CD6: variants seen among roughly 807,000 people sequenced by gnomAD.
CD6 encodes CD6 molecule, also known as T-cell differentiation antigen CD6.
Under a neutral mutation model 75.3 loss-of-function variants are expected in CD6, and 53 were observed. The observed-to-expected ratio is 0.70, with a 90% CI of 0.56 to 0.88. CD6 has a LOEUF of 0.88. CD6 is among the 40% of genes least tolerant of loss of function. The pLI is 0.00. For missense variants in CD6, 770 were observed against 897.1 expected, an observed-to-expected ratio of 0.86 and a Z score of 1.81; for synonymous variants, 359 against 381.5, an observed-to-expected ratio of 0.94 and a Z score of 0.69.
chr11:61,008,262 C>A (rs1229554609), intron 3 of CD6: 2 of 496,746 alleles, frequency 4.0e-6, no homozygotes, highest in Non-Finnish European at 7.1e-6. Context: ...CATAAACATG[C>A]CAGGTTCACA....
chr11:61,014,734 C>CAA (rs553540779), intron 8 of CD6, among the ~76,000 whole-genome samples: 12 of 104,682 alleles, frequency 1.1e-4, no homozygotes, highest in African/African-American at 2.1e-4. Context: ...GACTCTGTCT[C>CAA]AAAAAAAAAA....
intron 6 of CD6, 109 bp downstream of exon 6, chr11:61,011,244 C>T: frequency 2.3e-6 from 2 of 883,992 alleles, no homozygotes; most frequent in East Asian, 5.4e-5. Flanking sequence ...ATGGTTTGGT[C>T]CTCATCCTCC....
At chr11:60,987,091 G>A (rs1156596910) in intron 1 of CD6, among the ~76,000 whole-genome samples, 4 of 152,188 alleles carry the variant, frequency 2.6e-5, no homozygotes, top group Non-Finnish European at 5.9e-5. Flanking sequence ...TGGCACCACA[G>A]TGCGAGACTC....
intron 1 of CD6, among the ~76,000 whole-genome samples, chr11:60,975,333 G>T (rs1857325175): frequency 1.3e-5 from 2 of 152,210 alleles, no homozygotes. Context: ...AAATTGAGAT[G>T]TGTAAAGTGT....
intron 1 of CD6, among the ~76,000 whole-genome samples, chr11:60,982,417 G>A (rs1465362205): frequency 1.3e-5 from 2 of 152,150 alleles, no homozygotes; most frequent in Admixed American, 6.5e-5. Flanking sequence ...AGTCACTTCT[G>A]GTCACTGGGG....
Position 60,974,536 on chromosome 11 carries a change from C to T in CD6, c.49+2622C>T, listed in dbSNP as rs975915908. 4.6e-5 allele frequency among the ~76,000 whole-genome samples: 7 copies of T among 152,330 alleles called. No individual in the cohort carries two copies. In the East Asian group the frequency reaches 7.7e-4, roughly 17 times the overall value. ...CTGGGATTACAGGAGTGAGCCACCG[C>T]GCCCAGCCTCCTTCTTCCCTTTCTA... On this transcript the variant is annotated intron_variant, in intron 1 of 12. Coordinates refer to ENST00000313421, the MANE Select transcript of CD6 (RefSeq NM_006725.5).
chr11:60,983,330 G>C (rs967244649), intron 1 of CD6, among the ~76,000 whole-genome samples: 1 of 151,944 alleles, frequency 6.6e-6, no homozygotes, highest in East Asian at 1.9e-4. Flanking sequence ...GACCTCAAGC[G>C]ATCCTCCTGC....
chr11:60,991,149 C>CTTTTTTTTTTTTTTTT (rs58123378), intron 1 of CD6, among the ~76,000 whole-genome samples: 41 of 114,692 alleles, frequency 3.6e-4, no homozygotes, highest in Non-Finnish European at 4.4e-4. Flanking sequence ...CTTTTTCTTT[C>CTTTTTTTTTTTTTTTT]TTTTTTTTTT....
chr11:61,018,045 A>G, intron 11 of CD6, 32 bp downstream of exon 11: 2 of 1,603,048 alleles, frequency 1.2e-6, no homozygotes, highest in South Asian at 1.1e-5. Flanking sequence ...CCCCCATCCC[A>G]TAGCCAGCCT....
intron 1 of CD6, among the ~76,000 whole-genome samples, chr11:60,990,399 AT>A (rs1310836668): frequency 6.6e-6 from 1 of 151,978 alleles, no homozygotes; most frequent in Non-Finnish European, 1.5e-5. Context: ...TAATTTTTGT[AT>A]TTCAGTAGAG....
At chr11:60,982,571 C>T in intron 1 of CD6, 1 of 455,926 alleles carries the variant, frequency 2.2e-6, no homozygotes, top group African/African-American at 2.0e-5. Context: ...CCGTTCCCCA[C>T]TCCATTTGGT....
intron 1 of CD6, among the ~76,000 whole-genome samples, chr11:60,994,762 G>A (rs1202692975): frequency 2.0e-5 from 3 of 152,188 alleles, no homozygotes; most frequent in Non-Finnish European, 4.4e-5. Flanking sequence ...ATTAACACTT[G>A]CTGAACTTGT....
chr11:60,980,313 G>T (rs1246276696), intron 1 of CD6, among the ~76,000 whole-genome samples: 1 of 143,454 alleles, frequency 7.0e-6, no homozygotes, highest in African/African-American at 2.5e-5. Context: ...GAGCAGCATA[G>T]GCAACATAGT....
At chr11:60,997,594 C>T (rs1477852511) in intron 1 of CD6, among the ~76,000 whole-genome samples, 1 of 152,020 alleles carries the variant, frequency 6.6e-6, no homozygotes, top group Non-Finnish European at 1.5e-5. Context: ...GTCTTTGACA[C>T]ACAACCTGTA....
intron 5 of CD6, among the ~76,000 whole-genome samples, chr11:61,010,689 C>A (rs1859097987): frequency 6.6e-6 from 1 of 152,138 alleles, no homozygotes; most frequent in Admixed American, 6.5e-5. Context: ...TCTTTGTGAG[C>A]CTACCTGCCC....
In CD6 at chr11:61,007,746, C is replaced by T. The variant is rs1351105153; in HGVS notation, c.305C>T (p.Pro102Leu). 2 of 1,444,506 alleles carry T rather than the reference C, an allele frequency of 1.4e-6. No homozygotes were observed. Among genetic ancestry groups the T allele is most frequent in the African/African-American group, 3.0e-5 (2 of 67,528 alleles). The allele number at this position is 1,444,506 out of a possible 1,614,324, so 89.5% of individuals were successfully genotyped here. ...EAASQLAPPT[P>L]ELPPPPAAGN... Reference sequence around the variant, plus strand: ...GCCTCTCAGCTCGCCCCGCCGACCCCTGAGCTGCCGCCCCCGCCTGCAGCC... The same window carrying T: ...GCCTCTCAGCTCGCCCCGCCGACCCTTGAGCTGCCGCCCCCGCCTGCAGCC... Residue 102 changes from proline (P) to leucine (L), a missense_variant, in exon 3 of 13, where the codon CCT becomes CTT. Coordinates refer to ENST00000313421, the MANE Select transcript of CD6 (RefSeq NM_006725.5). The surrounding 1 kb of genome is among the most constrained non-coding windows in gnomAD (Gnocchi z 4.2).
intron 1 of CD6, among the ~76,000 whole-genome samples, chr11:60,991,453 C>T (rs1264973265): frequency 6.6e-6 from 1 of 151,990 alleles, no homozygotes; most frequent in Non-Finnish European, 1.5e-5. Flanking sequence ...CGTTTGGCCT[C>T]ATCAGCCATT....
intron 1 of CD6, among the ~76,000 whole-genome samples, chr11:60,997,163 G>C (rs561354659): frequency 6.6e-6 from 1 of 152,146 alleles, no homozygotes; most frequent in African/African-American, 2.4e-5. Flanking sequence ...ATCACCTGAG[G>C]TCAGAAGTTC....
chr11:60,989,280 G>A (rs1489799706), intron 1 of CD6: 1 of 152,246 alleles, frequency 6.6e-6, no homozygotes, highest in Non-Finnish European at 1.5e-5. Context: ...AGGTAGCCAT[G>A]AGGCAACGTC....
Sources: gnomAD v4.1 joint callset for allele counts (sites outside exome capture counted in the v4.1 genomes callset) on GRCh38, gnomAD v4.1.1 for gene constraint, Gnocchi (gnomAD v3.1) non-coding constraint, MANE v1.5 for transcripts, NCBI Gene and HGNC (gene_info 2026-07-23, HGNC 2026-07-21) for gene names.